The following NCOR1 variants were observed in gnomAD, a reference collection of about 807,000 sequenced individuals.
NCOR1 encodes the protein protein phosphatase 1, regulatory subunit 109.
NCOR1 carries 63 observed loss-of-function variants against 288.1 expected under a neutral mutation model. The observed-to-expected ratio is 0.22, with a 90% CI of 0.18 to 0.27. NCOR1 has a LOEUF of 0.27. Among genes scored for constraint, NCOR1 ranks in the 10% least tolerant of loss-of-function variants. The pLI is 1.00. For missense variants in NCOR1, 2,397 were observed against 3,019.2 expected (o/e 0.79, Z 4.83); for synonymous variants, 1,007 against 1,065.9 (o/e 0.94, Z 1.08).
chr17:16,183,398 A>G (rs979009685), intron 3 of NCOR1, among the ~76,000 whole-genome samples: 1 of 151,938 alleles, frequency 6.6e-6, no homozygotes, highest in Non-Finnish European at 1.5e-5. Context: ...TGAATCCAGT[A>G]AAGTTGCAGG....
intron 19 of NCOR1, among the ~76,000 whole-genome samples, chr17:16,107,662 A>G (rs2069068663): frequency 6.6e-6 from 1 of 152,194 alleles, no homozygotes; most frequent in African/African-American, 2.4e-5. Flanking sequence ...ACTAGCCACC[A>G]GAAACAAACC....
intron 18 of NCOR1, among the ~76,000 whole-genome samples, chr17:16,115,863 G>A (rs1339317142): frequency 6.6e-6 from 1 of 152,042 alleles, no homozygotes; most frequent in East Asian, 1.9e-4. Flanking sequence ...TTCCAAAGTC[G>A]CCTCCATATT....
intron 1 of NCOR1, among the ~76,000 whole-genome samples, chr17:16,199,995 A>G (rs577772040): frequency 6.6e-6 from 1 of 152,244 alleles, no homozygotes; most frequent in Admixed American, 6.5e-5. Context: ...TCCTTTTTAA[A>G]TCCTCTCATA....
chr17:16,153,746 T>C lies in NCOR1; in HGVS notation c.733-351A>G, dbSNP rs2079232115. ...GAGAGAGGGAATGAAAATTCACTAT[T>C]AGAAATAAATCCCCCAAACATTCTA... On this transcript the variant is annotated intron_variant, in intron 6 of 45. Transcript: ENST00000268712. 3.9e-5 allele frequency among the ~76,000 whole-genome samples: 6 copies of C among 152,132 alleles called. No individual in the cohort carries two copies. The South Asian group carries it at 8.3e-4, about 21-fold the overall frequency.
chr17:16,058,421 T>C, intron 38 of NCOR1, 50 bp downstream of exon 38: 1 of 1,596,046 alleles, frequency 6.3e-7, no homozygotes, highest in Non-Finnish European at 8.6e-7. Context: ...TAGAAGCAAA[T>C]GATAAATGCA....
intron 2 of NCOR1, among the ~76,000 whole-genome samples, chr17:16,188,237 CTATAAGT>C (rs1020134211): frequency 1.3e-5 from 2 of 152,152 alleles, no homozygotes; most frequent in Non-Finnish European, 2.9e-5. Flanking sequence ...GAGCCCTTCT[CTATAAGT>C]TATGAGTAAA....
chr17:16,101,879 A>C (rs1001717878), intron 19 of NCOR1, 122 bp from the exon 20 acceptor site: 6 of 1,272,164 alleles, frequency 4.7e-6, no homozygotes, highest in Non-Finnish European at 6.5e-6. Context: ...CATGTTTGAA[A>C]GTAGTTGTTT....
rs61753149 is a variant in NCOR1 at position 16,047,086 on chromosome 17, C to T, written c.6544G>A (p.Ala2182Thr). The T allele has an allele frequency of 9.8e-3, 15,825 of 1,611,402 alleles. 96 individuals are homozygous for T. The highest frequency in any genetic ancestry group is 0.012 in the Non-Finnish European group (14,357 of 1,178,750). The change falls in exon 42 of 46, where the codon GCC (alanine) becomes ACC (threonine). Residue 2182 changes from alanine (A) to threonine (T), a missense_variant. Ala to Thr is a moderately conservative substitution (Grantham distance 58). Coordinates refer to ENST00000268712, the MANE Select transcript of NCOR1 (RefSeq NM_006311.4). ...GAEPAEQRND[A>T]RSPGSISYLP... ...TAGCTTATACTCCCTGGTGAGCGGGCATCATTCCTGTTAGGGCCAAAGTTA... is the reference window on the plus strand; with the variant it reads ...TAGCTTATACTCCCTGGTGAGCGGGTATCATTCCTGTTAGGGCCAAAGTTA...
chr17:16,057,709 T>G lies in NCOR1; in HGVS notation c.6197A>C (p.Asn2066Thr). The G allele has an allele frequency of 1.2e-6, 2 of 1,614,092 alleles. No homozygotes were observed. The highest frequency in any genetic ancestry group is 4.5e-5 in the East Asian group (2 of 44,874). Residue 2066 changes from asparagine (N) to threonine (T), a missense_variant, in exon 40 of 46, where the codon AAT becomes ACT. Coordinates refer to ENST00000268712, the MANE Select transcript of NCOR1 (RefSeq NM_006311.4). ...CQIITQDFAR[N>T]QVSSQTPQQP... ...CTGGGGAGTCTGCGAGGAAACTTGA[T>G]TTCTAGCAAAATCTTGTGTGATAAT...
chr17:16,146,974 C>A (rs775698098), intron 9 of NCOR1, among the ~76,000 whole-genome samples: 2 of 152,088 alleles, frequency 1.3e-5, no homozygotes, highest in Non-Finnish European at 2.9e-5. Flanking sequence ...TTCCAATCTG[C>A]GAAACAAAAC....
rs146565723 is a variant in NCOR1, at chr17:16,070,226, G to C, written c.4452C>G (p.Thr1484=). The C allele has an allele frequency of 6.2e-7, 1 of 1,613,854 alleles. No homozygotes were observed. The highest frequency in any genetic ancestry group is 8.5e-7 in the Non-Finnish European group (1 of 1,179,992). Residue 1484 remains threonine (T), a synonymous_variant, in exon 31 of 46, where the codon ACC becomes ACG. Coordinates refer to ENST00000268712, the MANE Select transcript of NCOR1 (RefSeq NM_006311.4). ...ACATGGTGTTTTGATAACTCACAGG[G>C]GTCCTCCGTGCACTGGTGTCATCAT... The part of the protein sequence containing the change: ...GIYDDTSARR[T]PVSYQNTMSR...
intron 1 of NCOR1, among the ~76,000 whole-genome samples, chr17:16,208,932 C>CA (rs2091854498): frequency 6.6e-6 from 1 of 151,876 alleles, no homozygotes; most frequent in Non-Finnish European, 1.5e-5. Flanking sequence ...TTTTAATTTC[C>CA]AAAAACTATT....
At chr17:16,189,036 A>G (rs1327392105) in intron 2 of NCOR1, among the ~76,000 whole-genome samples, 1 of 152,094 alleles carries the variant, frequency 6.6e-6, no homozygotes, top group Non-Finnish European at 1.5e-5. Context: ...AAAAAACAAA[A>G]AAAAATAGTC....
At position 16,070,516 on chromosome 17, in the gene NCOR1, T is replaced by C. The variant is rs756157847; in HGVS notation, c.4162A>G (p.Ile1388Val). The C allele has an allele frequency of 9.3e-6, 15 of 1,613,832 alleles. No individual in the cohort carries two copies. Among genetic ancestry groups the C allele is most frequent in the African/African-American group, 1.3e-5 (1 of 75,054 alleles). The part of the protein sequence containing the change: ...IEGSISQGTP[I>V]KFDNNSGQSA... Reference sequence around the variant, plus strand: ...TGACCTGAGTTGTTGTCAAACTTTATTGGTGTGCCCTAAAGGGAAAGAAAC... The same window carrying C: ...TGACCTGAGTTGTTGTCAAACTTTACTGGTGTGCCCTAAAGGGAAAGAAAC... Residue 1388 changes from isoleucine to valine, a missense_variant, in exon 31 of 46, where the codon ATA (isoleucine) becomes GTA (valine). Physicochemically the swap from Ile to Val is conservative, Grantham distance 29. Coordinates refer to ENST00000268712, the MANE Select transcript of NCOR1 (RefSeq NM_006311.4).
chr17:16,095,174 G>A (rs1042517642), intron 21 of NCOR1, among the ~76,000 whole-genome samples: 4 of 151,192 alleles, frequency 2.6e-5, no homozygotes, highest in Non-Finnish European at 5.9e-5. Flanking sequence ...GTCTCTGCCC[G>A]GCCGCCCATC....
chr17:16,092,669 ATATATATATATATATATATATATATAT>A (rs2065457323), intron 21 of NCOR1, among the ~76,000 whole-genome samples: 1 of 13,464 alleles, frequency 7.4e-5, no homozygotes, highest in South Asian at 3.8e-3. Flanking sequence ...ATATATATAT[ATATATATATATATATATATATATATAT>A]TTTTTTTTTT....
intron 1 of NCOR1, among the ~76,000 whole-genome samples, chr17:16,195,309 A>G (rs1431922546): frequency 2.0e-5 from 3 of 152,134 alleles, no homozygotes; most frequent in Admixed American, 1.3e-4. Flanking sequence ...CTTTTCTACT[A>G]AAAATACAAA....
At chr17:16,172,642 CTT>C (rs562008538) in intron 3 of NCOR1, among the ~76,000 whole-genome samples, 152 of 152,304 alleles carry the variant, frequency 1.0e-3, no homozygotes, top group African/African-American at 3.4e-3. Context: ...AGACAAGTCT[CTT>C]GAGGAGAAAT....
At chr17:16,164,595 T>C (rs564239718) in intron 5 of NCOR1, among the ~76,000 whole-genome samples, 26 of 152,098 alleles carry the variant, frequency 1.7e-4, no homozygotes, top group Non-Finnish European at 3.7e-4. Flanking sequence ...TGTAAAATGG[T>C]GTTACTTCTT....
Sources: allele counts gnomAD v4.1 joint callset (sites outside exome capture counted in the v4.1 genomes callset), GRCh38; gene constraint gnomAD v4.1.1; transcripts MANE v1.5; gene names NCBI Gene and HGNC (gene_info 2026-07-23, HGNC 2026-07-21).